The following CD2AP variants were observed in gnomAD, a reference collection of about 807,000 sequenced individuals.
The protein encoded by CD2AP is CD2-associated protein.
In CD2AP, 46 loss-of-function variants were observed where a neutral mutation model predicts 85.1. That is an observed-to-expected ratio of 0.54 (90% CI 0.43 to 0.69). The LOEUF (loss-of-function observed/expected upper bound fraction) is 0.69. Among genes scored for constraint, CD2AP ranks in the 30% least tolerant of loss-of-function variants. The pLI, the probability that CD2AP is intolerant of heterozygous loss-of-function variation, is 0.00. For missense variants in CD2AP, 769 were observed against 729.5 expected, an observed-to-expected ratio of 1.05 and a Z score of -0.62; for synonymous variants, 255 against 252.9, an observed-to-expected ratio of 1.01 and a Z score of -0.08.
chr6:47,488,165 C>G (rs1484323820), intron 1 of CD2AP, among the ~76,000 whole-genome samples: 1 of 151,478 alleles, frequency 6.6e-6, no homozygotes, highest in East Asian at 1.9e-4. Context: ...ATTACCTACT[C>G]CGTGTGTATA....
chr6:47,606,190 T>C lies in CD2AP; in HGVS notation c.1443T>C (p.Ala481=). ...ETDVVNFDDI[A]SSENLLHLTA... ...ATGTTGTAAATTTTGATGACATAGC[T>C]TCCTCAGAAAACTTGCTTCATCTCA... Residue 481 remains alanine (A), a synonymous_variant, in exon 14 of 18, where the codon GCT becomes GCC. Coordinates refer to ENST00000359314, the MANE Select transcript of CD2AP (RefSeq NM_012120.3). The C allele has an allele frequency of 6.2e-7, 1 of 1,602,802 alleles. No homozygotes were observed. The highest frequency in any genetic ancestry group is 8.5e-7 in the Non-Finnish European group (1 of 1,169,928).
chr6:47,536,714 T>C (rs556307746), intron 3 of CD2AP, among the ~76,000 whole-genome samples: 2 of 152,302 alleles, frequency 1.3e-5, no homozygotes, highest in African/African-American at 4.8e-5. Flanking sequence ...CAGGAAAAAG[T>C]TGATTACTGT....
chr6:47,620,389 C>G (rs1391393333), intron 17 of CD2AP, among the ~76,000 whole-genome samples: 4 of 152,170 alleles, frequency 2.6e-5, no homozygotes, highest in Non-Finnish European at 1.5e-5. Context: ...TCTGAGTTCT[C>G]TGTTCCATTG....
At chr6:47,595,745 A>C (rs993968818) in intron 11 of CD2AP, 116 bp from the exon 12 acceptor site, 53 of 757,466 alleles carry the variant, frequency 7.0e-5, no homozygotes, top group Non-Finnish European at 1.1e-4. Context: ...AAATACAGAG[A>C]ATGAAAGTTC....
At chr6:47,580,721 C>T (rs955249540) in intron 9 of CD2AP, 143 bp from the exon 10 acceptor site, 18 of 631,368 alleles carry the variant, frequency 2.9e-5, no homozygotes, top group African/African-American at 1.3e-4. Context: ...GTAGTTTTTA[C>T]GATCTTAGCA....
At chr6:47,568,086 T>C (rs1562035943) in intron 5 of CD2AP, among the ~76,000 whole-genome samples, 1 of 152,146 alleles carries the variant, frequency 6.6e-6, no homozygotes, top group Non-Finnish European at 1.5e-5. Context: ...GATAATGTTA[T>C]TTGGGGGATG....
chr6:47,494,251 A>G (rs1193883609), intron 1 of CD2AP, among the ~76,000 whole-genome samples: 1 of 152,068 alleles, frequency 6.6e-6, no homozygotes, highest in Non-Finnish European at 1.5e-5. Flanking sequence ...TGTAGGTGCC[A>G]GGGGGTTCAC....
intron 5 of CD2AP, among the ~76,000 whole-genome samples, chr6:47,565,512 A>G (rs552806140): frequency 6.6e-6 from 1 of 152,174 alleles, no homozygotes; most frequent in Admixed American, 6.5e-5. Context: ...AAACCTCTTT[A>G]AGAATCTCCA....
chr6:47,513,861 A>G (rs909350105), intron 2 of CD2AP, among the ~76,000 whole-genome samples: 2 of 144,712 alleles, frequency 1.4e-5, no homozygotes, highest in Non-Finnish European at 3.0e-5. Flanking sequence ...AAAACGTCTG[A>G]TACCATCAGA....
At chr6:47,562,992 A>G in intron 5 of CD2AP, 2 of 413,326 alleles carry the variant, frequency 4.8e-6, no homozygotes, top group Non-Finnish European at 8.8e-6. Context: ...CCAGTATGTC[A>G]TCGAAGAGTC....
At chr6:47,566,224 CT>C (rs1037420760) in intron 5 of CD2AP, among the ~76,000 whole-genome samples, 371 of 143,214 alleles carry the variant, frequency 2.6e-3, no homozygotes, top group African/African-American at 7.2e-3. Flanking sequence ...ATTCTCTTCT[CT>C]TTTTTTTTTA....
At chr6:47,499,064 TG>T (rs1222775417) in intron 1 of CD2AP, among the ~76,000 whole-genome samples, 1 of 152,214 alleles carries the variant, frequency 6.6e-6, no homozygotes, top group African/African-American at 2.4e-5. Context: ...ATCACTTCTG[TG>T]GGTCAGTTTG....
In CD2AP at chr6:47,609,115, G is replaced by C; in HGVS notation, c.1633-8G>C. 6.3e-7 allele frequency: 1 copy of C among 1,577,972 alleles called. No individual in the cohort carries two copies. Among genetic ancestry groups the C allele is most frequent in the Non-Finnish European group, 8.6e-7 (1 of 1,164,804 alleles). ...ATAAAATCAGAAATTTTTTTTTTAC[G>C]TTTTCAGCCATCTGTGTACCTTTCA... On this transcript the variant is annotated splice_region_variant and splice_polypyrimidine_tract_variant and intron_variant, in intron 15 of 17. Transcript: ENST00000359314.
chr6:47,532,321 T>C lies in CD2AP; in HGVS notation c.166-1281T>C, dbSNP rs1051206307. ...TCATGCCACTGCACTCCAACCTGGGTAACAGAGGGAGACCTTGTCTGAAGA... is the reference window on the plus strand; with the variant it reads ...TCATGCCACTGCACTCCAACCTGGGCAACAGAGGGAGACCTTGTCTGAAGA... On this transcript the variant is annotated intron_variant, in intron 2 of 17. Transcript: ENST00000359314. Among the ~76,000 whole-genome samples, 21 of 143,160 alleles carry C rather than the reference T, an allele frequency of 1.5e-4. No individual in the cohort carries two copies. In the South Asian group the frequency reaches 2.5e-3, roughly 17 times the overall value. The allele number at this position is 143,160 out of a possible 152,430, so 93.9% of individuals were successfully genotyped here. A position where few individuals can be genotyped will look rare whatever the true frequency, so the allele number is the denominator to read the frequency against.
intron 17 of CD2AP, among the ~76,000 whole-genome samples, chr6:47,618,512 A>T (rs1769658810): frequency 1.3e-5 from 2 of 152,186 alleles, no homozygotes; most frequent in African/African-American, 4.8e-5. Flanking sequence ...CTATATACAT[A>T]TTAGATATCT....
At chr6:47,524,006 A>G (rs1486928058) in intron 2 of CD2AP, among the ~76,000 whole-genome samples, 2 of 152,178 alleles carry the variant, frequency 1.3e-5, no homozygotes, top group Non-Finnish European at 2.9e-5. Context: ...TATAAAACAA[A>G]TCTTTTAAAT....
In CD2AP at chr6:47,626,567, G is replaced by A. The variant is rs946435170; in HGVS notation, c.*2340G>A. The A allele has an allele frequency of 1.3e-5, 2 of 152,222 alleles. No individual in the cohort carries two copies. Among genetic ancestry groups the A allele is most frequent in the Non-Finnish European group, 3.0e-5 (2 of 67,796 alleles). 9.4% of individuals were successfully genotyped at this position (152,222 alleles called of 1,614,324 possible). Reference sequence around the variant, plus strand: ...GAGACACACAGTATCATTAATTTCTGAATTGTATTTCAGTGTTATTTTTTG... The same window carrying A: ...GAGACACACAGTATCATTAATTTCTAAATTGTATTTCAGTGTTATTTTTTG... On this transcript the variant is annotated 3_prime_UTR_variant, in exon 18 of 18. Transcript: ENST00000359314.
At chr6:47,544,826 T>A (rs894867348) in intron 4 of CD2AP, 120 bp downstream of exon 4, 4 of 680,888 alleles carry the variant, frequency 5.9e-6, no homozygotes, top group African/African-American at 3.6e-5. Context: ...TTAAAAAAAA[T>A]GGTATAGAGT....
chr6:47,566,305 T>TAC, intron 5 of CD2AP, among the ~76,000 whole-genome samples: 1 of 56,196 alleles, frequency 1.8e-5, no homozygotes, highest in Non-Finnish European at 4.4e-5. Context: ...CATTAGAATA[T>TAC]ATATATATAT....
Sources: gnomAD v4.1 joint callset for allele counts (sites outside exome capture counted in the v4.1 genomes callset) on GRCh38, gnomAD v4.1.1 for gene constraint, MANE v1.5 for transcripts, NCBI Gene and HGNC (gene_info 2026-07-23, HGNC 2026-07-21) for gene names.